The following MCM9 variants were observed in gnomAD, a reference collection of about 807,000 sequenced individuals.
The protein encoded by MCM9 is minichromosome maintenance 9 homologous recombination repair factor, also known as DNA helicase MCM9.
MCM9 carries 55 observed loss-of-function variants against 72.8 expected under a neutral mutation model. That is an observed-to-expected ratio of 0.76 (90% confidence interval 0.61 to 0.95). MCM9 has a LOEUF of 0.95. MCM9 is among the 40% of genes least tolerant of loss of function. The pLI is 0.00. For synonymous variants in MCM9, 480 were observed against 503.4 expected, an observed-to-expected ratio of 0.95 and a Z score of 0.62; for missense variants, 1,279 against 1,377.0, an observed-to-expected ratio of 0.93 and a Z score of 1.13.
At chr6:118,923,202 T>C (rs1781580175) in intron 4 of MCM9, among the ~76,000 whole-genome samples, 1 of 152,120 alleles carries the variant, frequency 6.6e-6, no homozygotes, top group Admixed American at 6.5e-5. Flanking sequence ...CACTCTTACT[T>C]GTTAAAGAGT....
intron 8 of MCM9, among the ~76,000 whole-genome samples, chr6:118,884,920 G>C (rs1442520736): frequency 6.6e-6 from 1 of 152,132 alleles, no homozygotes; most frequent in Non-Finnish European, 1.5e-5. Context: ...TAGCCAGCTG[G>C]GCGCAGTGGC....
At chr6:118,836,348 A>C (rs773357194) in intron 9 of MCM9, among the ~76,000 whole-genome samples, 1 of 152,232 alleles carries the variant, frequency 6.6e-6, no homozygotes. Context: ...TAGCAGAATG[A>C]TGCTGGCCTC....
At position 118,907,548 on chromosome 6, in the gene MCM9, A is replaced by T. The variant is rs576955613; in HGVS notation, c.1150+4102T>A. The T allele has an allele frequency of 1.9e-6, 3 of 1,613,768 alleles. No individual in the cohort carries two copies. The South Asian group carries it at 3.3e-5, about 18-fold the overall frequency. On this transcript the variant is annotated intron_variant, in intron 8 of 13. Coordinates refer to ENST00000619706, the MANE Select transcript of MCM9 (RefSeq NM_017696.3). ...CAACAGATGCATTACCTTCAGCATC[A>T]AAGGGATGGTCCACATCAGAAAACT...
At chr6:118,928,793 A>G (rs1481746772) in intron 3 of MCM9, among the ~76,000 whole-genome samples, 2 of 151,712 alleles carry the variant, frequency 1.3e-5, no homozygotes, top group Non-Finnish European at 2.9e-5. Flanking sequence ...TAGAGACTGC[A>G]GTGAGCTATG....
chr6:118,921,656 T>C, intron 5 of MCM9: 1 of 168,894 alleles, frequency 5.9e-6, no homozygotes, highest in Non-Finnish European at 1.3e-5. Flanking sequence ...ATTCACTACA[T>C]TTTTTAAAGT....
chr6:118,927,513 G>A (rs1237190519), intron 3 of MCM9, among the ~76,000 whole-genome samples: 1 of 151,990 alleles, frequency 6.6e-6, no homozygotes, highest in Non-Finnish European at 1.5e-5. Flanking sequence ...GGTGAGGCAA[G>A]AGAATCGCTT....
In MCM9 at chr6:118,931,499, C is replaced by T. The variant is rs369648810; in HGVS notation, c.225G>A (p.Arg75=). ...GGGACTGGAGAATTGTCAAGGCTGACCTTCGCAGTGCACTATCAAAAATTG... is the reference window on the plus strand; with the variant it reads ...GGGACTGGAGAATTGTCAAGGCTGATCTTCGCAGTGCACTATCAAAAATTG... ...VLTIFDSALR[R]SALTILQSLS... The change falls in exon 3 of 14, where the codon AGG becomes AGA. Residue 75 remains arginine (R), a synonymous_variant. Transcript: ENST00000619706. 9 of 1,614,006 alleles carry T rather than the reference C, an allele frequency of 5.6e-6. No individual in the cohort carries two copies. The African/African-American group carries it at 1.2e-4, about 22-fold the overall frequency.
At position 118,910,141 on chromosome 6, in the gene MCM9, C is replaced by G. The variant is rs191028348; in HGVS notation, c.1150+1509G>C. Reference sequence around the variant, plus strand: ...CAAAAAAAAAAAAAAAAAAAGACTCCATAACAAGTTTATATTTATGTTAAA... The same window carrying G: ...CAAAAAAAAAAAAAAAAAAAGACTCGATAACAAGTTTATATTTATGTTAAA... On this transcript the variant is annotated intron_variant, in intron 8 of 13. Coordinates refer to ENST00000619706, the MANE Select transcript of MCM9 (RefSeq NM_017696.3). Among the ~76,000 whole-genome samples the G allele has an allele frequency of 1.7e-3, 256 of 148,292 alleles. 1 individual carries two copies. Among genetic ancestry groups the G allele is most frequent in the Middle Eastern group, 0.011 (3 of 280 alleles).
intron 5 of MCM9, 127 bp from the exon 6 acceptor site, chr6:118,917,888 TCC>T: frequency 1.3e-6 from 1 of 748,150 alleles, no homozygotes; most frequent in Non-Finnish European, 2.2e-6. Flanking sequence ...TGTACACTCA[TCC>T]AGAAAACAAT....
At chr6:118,832,441 G>T (rs1055948579) in intron 9 of MCM9, among the ~76,000 whole-genome samples, 3 of 152,142 alleles carry the variant, frequency 2.0e-5, no homozygotes, top group African/African-American at 7.2e-5. Context: ...CTGGTACATA[G>T]TAAATGCTTA....
intron 8 of MCM9, among the ~76,000 whole-genome samples, chr6:118,874,964 C>T (rs749137575): frequency 6.6e-6 from 1 of 152,064 alleles, no homozygotes; most frequent in Non-Finnish European, 1.5e-5. Flanking sequence ...AAATACAAAA[C>T]CAGCTGGGCA....
Position 118,894,625 on chromosome 6 carries a change from C to T in MCM9, c.1150+17025G>A, listed in dbSNP as rs937099223. On this transcript the variant is annotated intron_variant, in intron 8 of 13. Transcript: ENST00000619706. Reference sequence around the variant, plus strand: ...CTGGGCGGCTGTGTTCGGCGCCTGGCGGCCGCGGGCTGCTCTGCGGAGGGA... The same window carrying T: ...CTGGGCGGCTGTGTTCGGCGCCTGGTGGCCGCGGGCTGCTCTGCGGAGGGA... 130 of 1,015,176 alleles carry T rather than the reference C, an allele frequency of 1.3e-4. 2 individuals carry two copies. The Middle Eastern group carries it at 2.3e-3, about 18-fold the overall frequency. 62.9% of individuals were successfully genotyped at this position (1,015,176 alleles called of 1,614,324 possible). A position where few individuals can be genotyped will look rare whatever the true frequency, so the allele number is the denominator to read the frequency against.
chr6:118,912,152 C>T (rs1232606705), intron 7 of MCM9: 2 of 154,566 alleles, frequency 1.3e-5, no homozygotes, highest in African/African-American at 4.8e-5. Context: ...TCTACAAAAA[C>T]AAACAAAAAA....
chr6:118,838,688 T>C (rs1327958145), intron 9 of MCM9, among the ~76,000 whole-genome samples: 1 of 152,252 alleles, frequency 6.6e-6, no homozygotes, highest in African/African-American at 2.4e-5. Context: ...CCCAAAGTGC[T>C]GGGATTAGAG....
At chr6:118,843,660 A>G (rs868272815) in intron 9 of MCM9, among the ~76,000 whole-genome samples, 4 of 76,434 alleles carry the variant, frequency 5.2e-5, no homozygotes, top group South Asian at 4.3e-4. Context: ...ATATATGTGT[A>G]TATATATATG....
intron 9 of MCM9, among the ~76,000 whole-genome samples, chr6:118,834,630 G>A (rs941744076): frequency 1.3e-5 from 2 of 151,102 alleles, no homozygotes; most frequent in East Asian, 1.9e-4. Flanking sequence ...TTTTTTTCAC[G>A]TTTGTTGGCC....
intron 9 of MCM9, among the ~76,000 whole-genome samples, chr6:118,843,688 G>GTGTGTGTGTGTA (rs1775631958): frequency 1.6e-5 from 1 of 64,154 alleles, no homozygotes; most frequent in African/African-American, 6.6e-5. Context: ...ATATATATGT[G>GTGTGTGTGTGTA]TATATATATA....
rs547602481 is a variant in MCM9 at position 118,829,028 on chromosome 6, CTTTG to C, written c.1528+16_1528+19del. 736 of 1,547,246 alleles carry C rather than the reference CTTTG, an allele frequency of 4.8e-4. 4 individuals carry two copies. In the African/African-American group the frequency reaches 9.3e-3, roughly 20 times the overall value. ...GCTAATCTCTCTGTTATTTTGAATG[CTTTG>C]TTTGTCTTCACGTACCTTTATTTTC... On this transcript the variant is annotated intron_variant, in intron 10 of 13. Coordinates refer to ENST00000619706, the MANE Select transcript of MCM9 (RefSeq NM_017696.3).
chr6:118,922,004 C>G lies in MCM9; in HGVS notation c.703+1G>C. ...CTAAAAAAAAATTCCCCTCTTCTTA[C>G]CAGATTTGCAACTATCCACTAAGTC... On this transcript the variant is annotated splice_donor_variant, in intron 5 of 13. Transcript: ENST00000619706. LOFTEE classifies it high-confidence loss of function. 2 of 1,610,406 alleles carry G rather than the reference C, an allele frequency of 1.2e-6. No individual in the cohort carries two copies. Among genetic ancestry groups the G allele is most frequent in the Non-Finnish European group, 1.7e-6 (2 of 1,178,220 alleles).
Sources: gnomAD v4.1 joint callset for allele counts (sites outside exome capture counted in the v4.1 genomes callset) on GRCh38, gnomAD v4.1.1 for gene constraint, MANE v1.5 for transcripts, NCBI Gene and HGNC (gene_info 2026-07-23, HGNC 2026-07-21) for gene names.